STARD8: variants seen among roughly 807,000 people sequenced by gnomAD.
The protein encoded by STARD8 is stAR-related lipid transfer protein 8.
Under a neutral mutation model 69.4 loss-of-function variants are expected in STARD8, and 25 were observed. That is an observed-to-expected ratio of 0.36 (90% CI 0.26 to 0.50). STARD8 has a LOEUF of 0.50. Ranked by LOEUF, STARD8 falls within the 20% of genes least tolerant of loss-of-function variation. The pLI is 0.96. For missense variants in STARD8, 921 were observed against 932.5 expected, an observed-to-expected ratio of 0.99 and a Z score of 0.16; for synonymous variants, 389 against 374.6, an observed-to-expected ratio of 1.04 and a Z score of -0.45.
At position 68,723,680 on chromosome X, in the gene STARD8, C is replaced by T. The variant is rs147525489; in HGVS notation, c.2854C>T (p.Pro952Ser). 1,073 of 1,197,522 alleles carry T rather than the reference C, an allele frequency of 9.0e-4. 5 individuals carry two copies. In the African/African-American group the frequency reaches 0.014, roughly 16 times the overall value. Residue 952 changes from proline (P) to serine (S), a missense_variant, in exon 13 of 15, where the codon CCC (proline) becomes TCC (serine). By Grantham distance (74) the Pro-to-Ser change is moderately conservative. Transcript: ENST00000374599. Reference sequence around the variant, plus strand: ...GAAGGCATCCACAGAGGTGGCAGCCCCCCCAGCTGTGGTGCTGCATCGTGT... The same window carrying T: ...GAAGGCATCCACAGAGGTGGCAGCCTCCCCAGCTGTGGTGCTGCATCGTGT... ...LWKASTEVAAPPAVVLHRVLR... is the reference protein window; with the variant it reads ...LWKASTEVAASPAVVLHRVLR...
rs1257133883 is a variant in STARD8 at position 68,712,990 on chromosome X, G to A, written c.151+5G>A. The A allele has an allele frequency of 3.3e-6, 4 of 1,201,107 alleles. No homozygotes were observed. The highest frequency in any genetic ancestry group is 3.4e-6 in the Non-Finnish European group (3 of 889,366). On this transcript the variant is annotated splice_donor_5th_base_variant and intron_variant, in intron 3 of 14. Transcript: ENST00000374599. ...AGTATGTGCAGCTTTTTGAAGGTAA[G>A]GCCACTCAACTGTTTACCCTCCCAT...
intron 2 of STARD8, among the ~76,000 whole-genome samples, chrX:68,674,349 G>GA (rs1300450024): frequency 1.9e-5 from 2 of 108,090 alleles, no homozygotes; most frequent in African/African-American, 6.7e-5. Flanking sequence ...GTGGAGACTT[G>GA]AAAAAAAATT....
intron 7 of STARD8, 123 bp from the exon 8 acceptor site, chrX:68,720,141 G>A: frequency 1.2e-6 from 1 of 819,529 alleles, no homozygotes; most frequent in Non-Finnish European, 1.6e-6. Flanking sequence ...TGCTCAATGA[G>A]TGTTGACTCT....
chrX:68,686,718 C>G (rs1226558662), intron 2 of STARD8, among the ~76,000 whole-genome samples: 1 of 112,690 alleles, frequency 8.9e-6, no homozygotes, highest in Non-Finnish European at 1.9e-5. Flanking sequence ...TAAAACCTCA[C>G]CCCTGGCCGG....
At chrX:68,703,445 C>T (rs112476376) in intron 2 of STARD8, among the ~76,000 whole-genome samples, 2,175 of 112,615 alleles carry the variant, frequency 0.019, 53 homozygotes, top group African/African-American at 0.066. Flanking sequence ...ACGTCATCAC[C>T]CTTGCCCCCA....
intron 2 of STARD8, among the ~76,000 whole-genome samples, chrX:68,699,511 C>T (rs2079949708): frequency 8.9e-6 from 1 of 111,983 alleles, no homozygotes. Flanking sequence ...ACCACCTGGA[C>T]CCTGTCTGCT....
intron 2 of STARD8, among the ~76,000 whole-genome samples, chrX:68,695,069 C>T (rs924109959): frequency 1.0e-4 from 11 of 110,532 alleles, no homozygotes; most frequent in Non-Finnish European, 1.9e-4. Flanking sequence ...CCTCCCCACT[C>T]TAGGGTTTGC....
At chrX:68,675,150 G>A (rs2079757587) in intron 2 of STARD8, among the ~76,000 whole-genome samples, 1 of 110,109 alleles carries the variant, frequency 9.1e-6, no homozygotes, top group Non-Finnish European at 1.9e-5. Flanking sequence ...TTGAGACGGG[G>A]TTTCACCATG....
At chrX:68,694,038 G>A (rs967081133) in intron 2 of STARD8, among the ~76,000 whole-genome samples, 1 of 113,285 alleles carries the variant, frequency 8.8e-6, no homozygotes, top group Non-Finnish European at 1.9e-5. Context: ...GGGGACCCCC[G>A]AGCGCGCCAG....
chrX:68,654,131 G>A (rs768569319), intron 1 of STARD8, among the ~76,000 whole-genome samples: 6 of 111,474 alleles, frequency 5.4e-5, no homozygotes, highest in Admixed American at 9.5e-5. Context: ...CTCTTTCTCT[G>A]TTCCTCTCTC....
intron 2 of STARD8, among the ~76,000 whole-genome samples, chrX:68,683,248 G>A (rs190613842): frequency 5.3e-5 from 6 of 112,296 alleles, no homozygotes; most frequent in Non-Finnish European, 9.4e-5. Flanking sequence ...GGCCTGAGAG[G>A]CAGTATGTAC....
chrX:68,652,198 A>AAT (rs2079552548), intron 1 of STARD8, among the ~76,000 whole-genome samples: 1 of 110,890 alleles, frequency 9.0e-6, no homozygotes, highest in Admixed American at 9.6e-5. Context: ...GTAGGTGGTC[A>AAT]ATACACATGA....
intron 2 of STARD8, chrX:68,693,625 C>G (rs2079894055): frequency 1.3e-6 from 1 of 753,148 alleles, no homozygotes; most frequent in African/African-American, 2.3e-5. Context: ...CTCGCCGACG[C>G]TCCCTCCCCA....
At chrX:68,692,763 G>A (rs1473614282) in intron 2 of STARD8, among the ~76,000 whole-genome samples, 2 of 112,643 alleles carry the variant, frequency 1.8e-5, no homozygotes, top group African/African-American at 6.5e-5. Flanking sequence ...GGAAGTTGAG[G>A]CAGGAGATTT....
At chrX:68,685,563 C>G (rs942822311) in intron 2 of STARD8, among the ~76,000 whole-genome samples, 36 of 112,548 alleles carry the variant, frequency 3.2e-4, no homozygotes, top group African/African-American at 1.0e-3. Context: ...ACGCCAGGGG[C>G]TAAACTCTTT....
At chrX:68,687,646 C>T (rs1015975373) in intron 2 of STARD8, among the ~76,000 whole-genome samples, 1 of 112,262 alleles carries the variant, frequency 8.9e-6, no homozygotes, top group Non-Finnish European at 1.9e-5. Context: ...ACACTGAGAG[C>T]CAGAGAGGGC....
At chrX:68,652,527 A>G (rs1569350561) in intron 1 of STARD8, among the ~76,000 whole-genome samples, 1 of 111,139 alleles carries the variant, frequency 9.0e-6, no homozygotes, top group Non-Finnish European at 1.9e-5. Context: ...TGAACCCAGT[A>G]TAAATAGTCC....
At position 68,659,534 on chromosome X, in the gene STARD8, G is replaced by A. The variant is rs150007138; in HGVS notation, c.46-5965G>A. 4.1e-4 allele frequency among the ~76,000 whole-genome samples: 45 copies of A among 110,404 alleles called. No individual in the cohort carries two copies. In the East Asian group the frequency reaches 0.011, roughly 26 times the overall value. ...AGCTCCATCCCACACTGGAATCCCC[G>A]TGTCTCTCTCCTCCAGCCCCTTCCT... On this transcript the variant is annotated intron_variant, in intron 1 of 14. Coordinates refer to ENST00000374599, the MANE Select transcript of STARD8 (RefSeq NM_001142503.3).
intron 1 of STARD8, among the ~76,000 whole-genome samples, chrX:68,665,273 G>T (rs2079675910): frequency 8.9e-6 from 1 of 112,109 alleles, no homozygotes; most frequent in African/African-American, 3.2e-5. Flanking sequence ...GAACCAGCAG[G>T]ATCAGCCATG....
Sources: gnomAD v4.1 joint callset for allele counts (sites outside exome capture counted in the v4.1 genomes callset) on GRCh38, gnomAD v4.1.1 for gene constraint, MANE v1.5 for transcripts, NCBI Gene and HGNC (gene_info 2026-07-23, HGNC 2026-07-21) for gene names.